TBC1D1: variants seen among roughly 807,000 people sequenced by gnomAD.
The protein encoded by TBC1D1 is TBC1 (tre-2/USP6, BUB2, cdc16) domain family, member 1.
TBC1D1 carries 89 observed loss-of-function variants against 125.6 expected under a neutral mutation model. The ratio of observed to expected loss-of-function variants is 0.71; its 90% CI spans 0.60 to 0.85. The LOEUF is 0.85. TBC1D1 is among the 40% of genes least tolerant of loss of function. The pLI, the probability that TBC1D1 is intolerant of heterozygous loss-of-function variation, is 0.00. For synonymous variants in TBC1D1, 565 were observed against 564.1 expected (o/e 1.00, Z -0.02); for missense variants, 1,377 against 1,469.2 (o/e 0.94, Z 1.03).
At chr4:37,922,482 C>T (rs964142286) in intron 2 of TBC1D1, among the ~76,000 whole-genome samples, 16 of 152,234 alleles carry the variant, frequency 1.1e-4, no homozygotes, top group Admixed American at 7.2e-4. Flanking sequence ...CATAGGCAAC[C>T]AAGAGCCTGT....
intron 19 of TBC1D1, among the ~76,000 whole-genome samples, chr4:38,134,468 C>CGTG (rs1766141403): frequency 6.6e-6 from 1 of 152,200 alleles, no homozygotes; most frequent in Admixed American, 6.5e-5. Context: ...AAGTCTCAGC[C>CGTG]ATCACTCAAG....
intron 2 of TBC1D1, among the ~76,000 whole-genome samples, chr4:37,980,747 T>C (rs1003756724): frequency 2.0e-5 from 3 of 152,222 alleles, no homozygotes; most frequent in Non-Finnish European, 4.4e-5. Flanking sequence ...CTTAACTGTG[T>C]ATTTAATGTA....
rs180766533 is a variant in TBC1D1, at chr4:38,023,163, T to C, written c.1210+1445T>C. Among the ~76,000 whole-genome samples the C allele has an allele frequency of 2.9e-3, 440 of 151,674 alleles. 7 individuals carry two copies. The highest frequency in any genetic ancestry group is 0.026 in the Admixed American group (398 of 15,218). Reference sequence around the variant, plus strand: ...TTGGGAGGCTGAGGCAGGAGAATCATTTGAGCCCGGGAGATGGAGGTTGCA... The same window carrying C: ...TTGGGAGGCTGAGGCAGGAGAATCACTTGAGCCCGGGAGATGGAGGTTGCA... On this transcript the variant is annotated intron_variant, in intron 6 of 19. Coordinates refer to ENST00000261439, the MANE Select transcript of TBC1D1 (RefSeq NM_015173.4).
At position 38,095,985 on chromosome 4, in the gene TBC1D1, C is replaced by T. The variant is rs748115749; in HGVS notation, c.2293C>T (p.Pro765Ser). 2 of 1,613,874 alleles carry T rather than the reference C, an allele frequency of 1.2e-6. No individual in the cohort carries two copies. Among genetic ancestry groups the T allele is most frequent in the African/African-American group, 1.3e-5 (1 of 74,888 alleles). Residue 765 changes from proline to serine, a missense_variant, in exon 14 of 20, where the codon CCC (proline) becomes TCC (serine). By Grantham distance (74) the Pro-to-Ser change is moderately conservative. Coordinates refer to ENST00000261439, the MANE Select transcript of TBC1D1 (RefSeq NM_015173.4). ...GAAGCTCGATTATGAAGAAATTACT[C>T]CCTGTCTTAAAGAAGTAACTACAGT...
At chr4:37,985,863 G>C (rs1735336025) in intron 2 of TBC1D1, among the ~76,000 whole-genome samples, 1 of 152,226 alleles carries the variant, frequency 6.6e-6, no homozygotes, top group Admixed American at 6.5e-5. Context: ...GGATTTTGGA[G>C]GAGACTAGAA....
In TBC1D1 at chr4:37,892,103, T is replaced by G. The variant is rs534072046; in HGVS notation, c.-94+755T>G. Among the ~76,000 whole-genome samples the G allele has an allele frequency of 9.2e-5, 14 of 152,336 alleles. 1 individual carries two copies. The South Asian group carries it at 2.9e-3, about 32-fold the overall frequency. On this transcript the variant is annotated intron_variant, in intron 1 of 19. Coordinates refer to ENST00000261439, the MANE Select transcript of TBC1D1 (RefSeq NM_015173.4). ...TCAGGGTGCCTCATATTAATGGATATGTTTTCCCTTCATAGATTTCTCATT... is the reference window on the plus strand; with the variant it reads ...TCAGGGTGCCTCATATTAATGGATAGGTTTTCCCTTCATAGATTTCTCATT...
At chr4:38,115,002 G>A (rs1451276990) in intron 15 of TBC1D1, among the ~76,000 whole-genome samples, 1 of 152,100 alleles carries the variant, frequency 6.6e-6, no homozygotes, top group African/African-American at 2.4e-5. Flanking sequence ...TGCTGGGATT[G>A]GGGTGGGTGC....
intron 15 of TBC1D1, among the ~76,000 whole-genome samples, chr4:38,109,828 G>A (rs764100961): frequency 2.1e-4 from 32 of 152,340 alleles, no homozygotes; most frequent in Non-Finnish European, 4.3e-4. Flanking sequence ...AAGGGTGTTT[G>A]TATCCTCAGT....
At chr4:38,127,381 CTTTT>C (rs35658047) in intron 18 of TBC1D1, among the ~76,000 whole-genome samples, 2 of 124,418 alleles carry the variant, frequency 1.6e-5, no homozygotes, top group African/African-American at 6.4e-5. Context: ...TTTCCACTGA[CTTTT>C]TTTTTTTTTT....
intron 12 of TBC1D1, among the ~76,000 whole-genome samples, chr4:38,073,160 G>A (rs1414264194): frequency 1.3e-5 from 2 of 152,130 alleles, no homozygotes; most frequent in Non-Finnish European, 1.5e-5. Flanking sequence ...TTGCTGGATC[G>A]ATCATAGTGT....
At chr4:37,959,068 A>G (rs1159582616) in intron 2 of TBC1D1, among the ~76,000 whole-genome samples, 2 of 152,186 alleles carry the variant, frequency 1.3e-5, no homozygotes, top group Non-Finnish European at 2.9e-5. Flanking sequence ...GTGTCAGGTT[A>G]AGAGCAAGAC....
chr4:38,078,014 C>T (rs1317170117), intron 12 of TBC1D1, among the ~76,000 whole-genome samples: 3 of 152,220 alleles, frequency 2.0e-5, no homozygotes, highest in East Asian at 1.9e-4. Flanking sequence ...CTTTCAAGTC[C>T]GATCCCAGGA....
At chr4:38,100,323 G>C (rs1760082722) in intron 14 of TBC1D1, among the ~76,000 whole-genome samples, 1 of 152,244 alleles carries the variant, frequency 6.6e-6, no homozygotes, top group African/African-American at 2.4e-5. Flanking sequence ...CCGTTAGCTT[G>C]TCTGTACTTG....
At chr4:37,939,300 G>A (rs1356805954) in intron 2 of TBC1D1, among the ~76,000 whole-genome samples, 2 of 152,216 alleles carry the variant, frequency 1.3e-5, no homozygotes, top group African/African-American at 2.4e-5. Context: ...TTTCTCATGT[G>A]TCTTTTGGCT....
Position 37,921,934 on chromosome 4 carries a change from G to T in TBC1D1, c.417+19422G>T, listed in dbSNP as rs575741797. The stretch of plus-strand genomic sequence containing the variant: ...AAAAAAATTGTAGAGACAGCTTCTC[G>T]CTATGTTGCCTAGGCTGCTTATGAA... On this transcript the variant is annotated intron_variant, in intron 2 of 19. Coordinates refer to ENST00000261439, the MANE Select transcript of TBC1D1 (RefSeq NM_015173.4). Among the ~76,000 whole-genome samples, 11 of 151,754 alleles carry T rather than the reference G, an allele frequency of 7.2e-5. No individual in the cohort carries two copies. The South Asian group carries it at 1.0e-3, about 14-fold the overall frequency.
intron 2 of TBC1D1, among the ~76,000 whole-genome samples, chr4:37,937,238 G>C (rs1312237566): frequency 6.6e-6 from 1 of 152,176 alleles, no homozygotes; most frequent in Non-Finnish European, 1.5e-5. Context: ...TCTGAACCAA[G>C]GTGGGTTGCT....
chr4:37,898,406 C>T (rs1430376862), intron 1 of TBC1D1, among the ~76,000 whole-genome samples: 1 of 152,176 alleles, frequency 6.6e-6, no homozygotes, highest in Non-Finnish European at 1.5e-5. Flanking sequence ...TGGGTCCTTC[C>T]TGTTTCTACA....
chr4:38,101,439 C>A (rs1379283313), intron 14 of TBC1D1, among the ~76,000 whole-genome samples: 2 of 152,160 alleles, frequency 1.3e-5, no homozygotes, highest in African/African-American at 2.4e-5. Flanking sequence ...AAAACTGTCA[C>A]CTTTTAAAAT....
intron 2 of TBC1D1, among the ~76,000 whole-genome samples, chr4:37,975,603 T>C (rs1732913361): frequency 6.6e-6 from 1 of 152,232 alleles, no homozygotes; most frequent in Non-Finnish European, 1.5e-5. Flanking sequence ...GCAACAGGCG[T>C]CTTCCCAGAT....
Sources: allele counts gnomAD v4.1 joint callset (sites outside exome capture counted in the v4.1 genomes callset), GRCh38; gene constraint gnomAD v4.1.1; transcripts MANE v1.5; gene names NCBI Gene and HGNC (gene_info 2026-07-23, HGNC 2026-07-21).